The following PTPRR variants were observed in gnomAD, a reference collection of about 807,000 sequenced individuals.
The protein encoded by PTPRR is protein tyrosine phosphatase receptor type R.
Under a neutral mutation model 77.2 loss-of-function variants are expected in PTPRR, and 38 were observed. The observed-to-expected ratio is 0.49, with a 90% CI of 0.38 to 0.65. The LOEUF (loss-of-function observed/expected upper bound fraction) is 0.65, where lower values mean the gene tolerates loss of function less well. PTPRR is among the 30% of genes least tolerant of loss of function. The pLI, the probability that PTPRR is intolerant of heterozygous loss-of-function variation, is 0.00. For synonymous variants in PTPRR, 299 were observed against 283.1 expected (o/e 1.06, Z -0.57); for missense variants, 744 against 799.2 (o/e 0.93, Z 0.83).
At chr12:70,691,939 T>C (rs558512738) in intron 8 of PTPRR, among the ~76,000 whole-genome samples, 1 of 152,318 alleles carries the variant, frequency 6.6e-6, no homozygotes, top group South Asian at 2.1e-4. Context: ...CTAAATGTCA[T>C]CCATACTTCC....
intron 12 of PTPRR, among the ~76,000 whole-genome samples, chr12:70,659,286 G>C (rs1330477052): frequency 6.6e-6 from 1 of 152,074 alleles, no homozygotes; most frequent in Non-Finnish European, 1.5e-5. Flanking sequence ...TGAGAGCATG[G>C]GGGAATGCGG....
intron 2 of PTPRR, among the ~76,000 whole-genome samples, chr12:70,787,697 T>A (rs540082267): frequency 1.3e-5 from 2 of 152,162 alleles, no homozygotes; most frequent in Non-Finnish European, 2.9e-5. Context: ...CTTAAAAAAA[T>A]AACATCAAAT....
intron 2 of PTPRR, among the ~76,000 whole-genome samples, chr12:70,817,584 C>T (rs1327253007): frequency 6.6e-6 from 1 of 152,106 alleles, no homozygotes; most frequent in Non-Finnish European, 1.5e-5. Flanking sequence ...TATTAGGTGC[C>T]ACTCTACTAC....
Position 70,821,213 on chromosome 12 carries a change from C to CTTTTTTTTT in PTPRR, c.358-56444_358-56436dup, listed in dbSNP as rs61539990. Among the ~76,000 whole-genome samples the CTTTTTTTTT allele has an allele frequency of 1.8e-3, 58 of 31,988 alleles. 7 individuals are homozygous for CTTTTTTTTT. Among genetic ancestry groups the CTTTTTTTTT allele is most frequent in the South Asian group, 8.0e-3 (3 of 376 alleles). The allele number at this position is 31,988 out of a possible 152,430, so 21.0% of individuals were successfully genotyped here. A position where few individuals can be genotyped will look rare whatever the true frequency, so the allele number is the denominator to read the frequency against. ...CAAAACATGTTGAAAGGGATCACTG[C>CTTTTTTTTT]TTTTTTTTTTTTTTTTTTTTTTTTT... On this transcript the variant is annotated intron_variant, in intron 2 of 13. Transcript: ENST00000283228.
intron 10 of PTPRR, chr12:70,672,938 C>T: frequency 1.4e-6 from 2 of 1,467,226 alleles, no homozygotes; most frequent in Non-Finnish European, 9.1e-7. Flanking sequence ...ATGTCGAATG[C>T]CAGGTGTGGG....
intron 1 of PTPRR, among the ~76,000 whole-genome samples, chr12:70,911,986 T>C (rs566164824): frequency 6.6e-6 from 1 of 152,326 alleles, no homozygotes; most frequent in African/African-American, 2.4e-5. Flanking sequence ...GCTAAAAAGT[T>C]ATCTAGAAAC....
intron 6 of PTPRR, among the ~76,000 whole-genome samples, chr12:70,739,195 C>A (rs1025131433): frequency 2.0e-5 from 3 of 152,052 alleles, no homozygotes; most frequent in Non-Finnish European, 2.9e-5. Context: ...TATAACTGAC[C>A]TAGTGTAGGC....
chr12:70,820,444 C>T lies in PTPRR; in HGVS notation c.358-55666G>A, dbSNP rs372237094. 1.4e-4 allele frequency among the ~76,000 whole-genome samples: 22 copies of T among 152,342 alleles called. No homozygotes were observed. The South Asian group carries it at 4.3e-3, about 30-fold the overall frequency. ...CGCTTCCCGAGTTCACGCCATTCTC[C>T]TGCCTCAGCCTCCCGAGTACTTGGG... is the stretch of plus-strand genomic sequence containing the variant. On this transcript the variant is annotated intron_variant, in intron 2 of 13. Transcript: ENST00000283228.
At position 70,892,691 on chromosome 12, in the gene PTPRR, A is replaced by G; in HGVS notation, c.345T>C (p.Asn115=). Residue 115 remains asparagine, a synonymous_variant, in exon 2 of 14, where the codon AAT becomes AAC. Coordinates refer to ENST00000283228, the MANE Select transcript of PTPRR (RefSeq NM_002849.4). The part of the protein sequence containing the change: ...EVENLPIPAA[N]VIVVTLQMDV... ...ACATACTACTTACCACCACAATTAC[A>G]TTTGCTGCTGGGATTGGGAGATTTT... 2 of 1,613,038 alleles carry G rather than the reference A, an allele frequency of 1.2e-6. No homozygotes were observed. The highest frequency in any genetic ancestry group is 1.7e-6 in the Non-Finnish European group (2 of 1,179,244).
chr12:70,674,927 C>T (rs1446334536), intron 10 of PTPRR, among the ~76,000 whole-genome samples: 1 of 151,902 alleles, frequency 6.6e-6, no homozygotes, highest in African/African-American at 2.4e-5. Flanking sequence ...GTATATTATG[C>T]ATTTATATAT....
At chr12:70,807,371 C>A (rs947327590) in intron 2 of PTPRR, among the ~76,000 whole-genome samples, 1 of 152,088 alleles carries the variant, frequency 6.6e-6, no homozygotes, top group Non-Finnish European at 1.5e-5. Flanking sequence ...TACTTGCCCA[C>A]CTTTTAAAAA....
Position 70,883,882 on chromosome 12 carries a change from T to C in PTPRR, c.357+8797A>G, listed in dbSNP as rs533975686. On this transcript the variant is annotated intron_variant, in intron 2 of 13. Transcript: ENST00000283228. The stretch of plus-strand genomic sequence containing the variant: ...AGCTCCTACATTTCCATCTGTTCCT[T>C]CTCTGTGTTGGTCCTCTTTCCACTT... 2.0e-5 allele frequency among the ~76,000 whole-genome samples: 3 copies of C among 152,198 alleles called. No homozygotes were observed. The South Asian group carries it at 6.2e-4, about 31-fold the overall frequency.
chr12:70,662,696 C>A (rs1886840592), intron 10 of PTPRR, 91 bp from the exon 11 acceptor site: 2 of 623,092 alleles, frequency 3.2e-6, no homozygotes, highest in Admixed American at 3.2e-5. Flanking sequence ...AGTTTTATAT[C>A]ATTAGTTTTA....
rs1021740234 is a variant in PTPRR, at chr12:70,786,227, A to G, written c.358-21449T>C. On this transcript the variant is annotated intron_variant, in intron 2 of 13. Transcript: ENST00000283228. ...TCTTCATTCATGGAGCTTTTCTGAA[A>G]GGACAGAGACTTCTCACTACAGTGT... Among the ~76,000 whole-genome samples the G allele has an allele frequency of 5.9e-5, 9 of 152,294 alleles. No homozygotes were observed. In the South Asian group the frequency reaches 1.9e-3, roughly 32 times the overall value.
At position 70,645,669 on chromosome 12, in the gene PTPRR, C is replaced by T. The variant is rs2136643986; in HGVS notation, c.1881-6392G>A. ...ACAGACTATGAAATGCTGTGTTTGG[C>T]CAGGCCAGAGAGGATTCAGATATAC... is the stretch of plus-strand genomic sequence containing the variant. On this transcript the variant is annotated intron_variant, in intron 13 of 13. Transcript: ENST00000283228. 2.0e-5 allele frequency among the ~76,000 whole-genome samples: 3 copies of T among 152,232 alleles called. No individual in the cohort carries two copies. The South Asian group carries it at 6.2e-4, about 32-fold the overall frequency.
At chr12:70,873,364 A>C (rs1592806920) in intron 2 of PTPRR, among the ~76,000 whole-genome samples, 1 of 152,186 alleles carries the variant, frequency 6.6e-6, no homozygotes, top group African/African-American at 2.4e-5. Flanking sequence ...TGGGAAATGA[A>C]GGTGCCTAGG....
intron 2 of PTPRR, among the ~76,000 whole-genome samples, chr12:70,769,779 A>C (rs188250172): frequency 0.35 from 53,275 of 150,886 alleles, 10,997 homozygotes; most frequent in African/African-American, 0.57. Flanking sequence ...GCTACAGTAA[A>C]CAAAACAGCA....
chr12:70,783,143 AGGT>A, intron 2 of PTPRR, among the ~76,000 whole-genome samples: 1 of 152,274 alleles, frequency 6.6e-6, no homozygotes, highest in South Asian at 2.1e-4. Context: ...AGGAAGAATG[AGGT>A]ATGCAGACAA....
chr12:70,764,008 CT>C (rs1249116948), intron 3 of PTPRR, among the ~76,000 whole-genome samples: 5,316 of 132,146 alleles, frequency 0.04, 225 homozygotes, highest in African/African-American at 0.12. Flanking sequence ...TTTGGGTTTA[CT>C]TTTTTTTTTT....
Sources: allele counts gnomAD v4.1 joint callset (sites outside exome capture counted in the v4.1 genomes callset), GRCh38; gene constraint gnomAD v4.1.1; transcripts MANE v1.5; gene names NCBI Gene and HGNC (gene_info 2026-07-23, HGNC 2026-07-21).